The following KCNQ1 variants were observed in gnomAD, a reference collection of about 807,000 sequenced individuals.
The protein encoded by KCNQ1 is potassium voltage-gated channel subfamily Q member 1.
Under a neutral mutation model 72.4 loss-of-function variants are expected in KCNQ1, and 49 were observed. The observed-to-expected ratio is 0.68, with a 90% CI of 0.54 to 0.86. The LOEUF (loss-of-function observed/expected upper bound fraction) is 0.86. Ranked by LOEUF, KCNQ1 falls within the 40% of genes least tolerant of loss-of-function variation. The probability of loss-of-function intolerance (pLI) is 0.00; values close to 1 mark genes in which losing one functional copy is unlikely to be tolerated. For missense variants in KCNQ1, 790 were observed against 945.1 expected, an observed-to-expected ratio of 0.84 and a Z score of 2.15; for synonymous variants, 450 against 412.6, an observed-to-expected ratio of 1.09 and a Z score of -1.10.
At position 2,651,054 on chromosome 11, in the gene KCNQ1, T is replaced by G; in HGVS notation, c.1394-10907T>G. 2.5e-6 allele frequency: 1 copy of G among 398,904 alleles called. No individual in the cohort carries two copies. The highest frequency in any genetic ancestry group is 4.4e-6 in the Non-Finnish European group (1 of 226,242). The allele number at this position is 398,904 out of a possible 1,614,324, so 24.7% of individuals were successfully genotyped here. ...TTAAAACCACCACCATTTCTCTGCC[T>G]ACATTGTTGTCCATACCTCATTACT... On this transcript the variant is annotated intron_variant, in intron 10 of 15. Coordinates refer to ENST00000155840, the MANE Select transcript of KCNQ1 (RefSeq NM_000218.3). The surrounding 1 kb of genome is among the most constrained non-coding windows in gnomAD (Gnocchi z 6.1).
chr11:2,702,221 G>A lies in KCNQ1; in HGVS notation c.1514+40140G>A, dbSNP rs191338655. ...ACCAGAATAAAAGTCCCACTCATGT[G>A]GGGTTTACATTCTGGTGGGAAAGAC... On this transcript the variant is annotated intron_variant, in intron 11 of 15. Coordinates refer to ENST00000155840, the MANE Select transcript of KCNQ1 (RefSeq NM_000218.3). 1.1e-4 allele frequency among the ~76,000 whole-genome samples: 17 copies of A among 152,350 alleles called. No homozygotes were observed. The East Asian group carries it at 3.1e-3, about 28-fold the overall frequency.
At chr11:2,841,377 C>T (rs994853181) in intron 15 of KCNQ1, among the ~76,000 whole-genome samples, 2 of 152,120 alleles carry the variant, frequency 1.3e-5, no homozygotes, top group Admixed American at 1.3e-4. Flanking sequence ...CTGGCTGTTG[C>T]CTGGAACAAG....
At position 2,826,471 on chromosome 11, in the gene KCNQ1, C is replaced by T. The variant is rs766560759; in HGVS notation, c.1795-21296C>T. 2.0e-5 allele frequency among the ~76,000 whole-genome samples: 3 copies of T among 152,254 alleles called. No homozygotes were observed. Among genetic ancestry groups the T allele is most frequent in the Non-Finnish European group, 4.4e-5 (3 of 68,048 alleles). ...GGTTCCGCGCAGACAGTCACGGAAA[C>T]TCAGGCAGACCCGGCGTTGGGTGCG... On this transcript the variant is annotated intron_variant, in intron 15 of 15. Transcript: ENST00000155840. This position sits in a 1 kb window ranked among gnomAD's most constrained non-coding sequence, Gnocchi z 4.2.
chr11:2,588,611 CG>C lies in KCNQ1; in HGVS notation c.1252-97del. ...CAGGTCCCTGTCCGGGTGTATGTGG[CG>C]GGGGCTGGGCTCGGGGCGGCTGCAC... is the stretch of plus-strand genomic sequence containing the variant. On this transcript the variant is annotated intron_variant, in intron 9 of 15. Transcript: ENST00000155840. This position sits in a 1 kb window ranked among gnomAD's most constrained non-coding sequence, Gnocchi z 5.6. The C allele has an allele frequency of 7.0e-7, 1 of 1,426,334 alleles. No homozygotes were observed. The allele number at this position is 1,426,334 out of a possible 1,614,324, so 88.4% of individuals were successfully genotyped here.
At position 2,734,731 on chromosome 11, in the gene KCNQ1, G is replaced by A. The variant is rs1406905030; in HGVS notation, c.1515-34113G>A. ...GAGGTGAGAGGTAATCCTGGAAGCT[G>A]CTATGTAGACAGAAGCGAGGGCAAG... is the stretch of plus-strand genomic sequence containing the variant. On this transcript the variant is annotated intron_variant, in intron 11 of 15. Transcript: ENST00000155840. The surrounding 1 kb of genome is among the most constrained non-coding windows in gnomAD (Gnocchi z 7.0). Among the ~76,000 whole-genome samples, 2 of 152,066 alleles carry A rather than the reference G, an allele frequency of 1.3e-5. No homozygotes were observed. Among genetic ancestry groups the A allele is most frequent in the Admixed American group, 6.5e-5 (1 of 15,282 alleles).
At position 2,784,095 on chromosome 11, in the gene KCNQ1, T is replaced by G. The variant is rs1051315369; in HGVS notation, c.1794+6058T>G. Among the ~76,000 whole-genome samples, 3 of 152,046 alleles carry G rather than the reference T, an allele frequency of 2.0e-5. No individual in the cohort carries two copies. The highest frequency in any genetic ancestry group is 7.2e-5 in the African/African-American group (3 of 41,460). ...AAGCCATAAACATTTTCTCCTGTTTTGTTTTGGGTTTTTTTCCTTCTAGAA... is the reference window on the plus strand; with the variant it reads ...AAGCCATAAACATTTTCTCCTGTTTGGTTTTGGGTTTTTTTCCTTCTAGAA... On this transcript the variant is annotated intron_variant, in intron 15 of 15. Coordinates refer to ENST00000155840, the MANE Select transcript of KCNQ1 (RefSeq NM_000218.3). The surrounding 1 kb of genome is among the most constrained non-coding windows in gnomAD (Gnocchi z 4.7).
In KCNQ1 at chr11:2,627,614, C is replaced by T; in HGVS notation, c.1394-34347C>T. ...TATCCTCCAGGTTCATCTATGTTGT[C>T]ATAAATTGCATGATTTCCTGCTTTT... On this transcript the variant is annotated intron_variant, in intron 10 of 15. Transcript: ENST00000155840. This position sits in a 1 kb window ranked among gnomAD's most constrained non-coding sequence, Gnocchi z 4.9. 2.5e-6 allele frequency: 1 copy of T among 398,434 alleles called. No homozygotes were observed. Among genetic ancestry groups the T allele is most frequent in the Non-Finnish European group, 4.4e-6 (1 of 226,068 alleles). 24.7% of individuals were successfully genotyped at this position (398,434 alleles called of 1,614,324 possible). A position where few individuals can be genotyped will look rare whatever the true frequency, so the allele number is the denominator to read the frequency against.
At chr11:2,534,702 CCT>C in intron 2 of KCNQ1, among the ~76,000 whole-genome samples, 1 of 152,206 alleles carries the variant, frequency 6.6e-6, no homozygotes, top group Non-Finnish European at 1.5e-5. Context: ...CCTTTTTGTC[CCT>C]GTCACTTGGG....
At chr11:2,609,715 A>G (rs1230607635) in intron 10 of KCNQ1, 1 of 398,204 alleles carries the variant, frequency 2.5e-6, no homozygotes, top group East Asian at 3.6e-5. Context: ...TGTTAGGTGA[A>G]TATATGTTTA....
At position 2,537,441 on chromosome 11, in the gene KCNQ1, A is replaced by G. The variant is rs766571376; in HGVS notation, c.477+9423A>G. 4.6e-5 allele frequency among the ~76,000 whole-genome samples: 7 copies of G among 152,116 alleles called. No homozygotes were observed. Among genetic ancestry groups the G allele is most frequent in the Non-Finnish European group, 1.0e-4 (7 of 68,034 alleles). On this transcript the variant is annotated intron_variant, in intron 2 of 15. Transcript: ENST00000155840. This position sits in a 1 kb window ranked among gnomAD's most constrained non-coding sequence, Gnocchi z 5.2. ...TTAGTAACAATTTTATTTTTTGGGA[A>G]AATAGAAGTGGGAGAGCGTGTGCCC...
intron 2 of KCNQ1, among the ~76,000 whole-genome samples, chr11:2,540,873 G>A (rs1847811878): frequency 6.6e-6 from 1 of 152,194 alleles, no homozygotes; most frequent in Non-Finnish European, 1.5e-5. Context: ...TGAGCTGGTG[G>A]TGAGTTTTCC....
chr11:2,648,981 C>CTTTTTTCTTTTTTTTTTTTT (rs1849710956), intron 10 of KCNQ1: 5 of 213,264 alleles, frequency 2.3e-5, no homozygotes, highest in African/African-American at 4.4e-5. Flanking sequence ...TTTTCTTTTT[C>CTTTTTTCTTTTTTTTTTTTT]TTTTTTTTTT....
At chr11:2,636,396 G>A (rs1469428893) in intron 10 of KCNQ1, 3 of 151,944 alleles carry the variant, frequency 2.0e-5, no homozygotes, top group Admixed American at 6.6e-5. Flanking sequence ...TAGCATGAAG[G>A]GCTGTTGAAT....
chr11:2,617,534 A>G lies in KCNQ1; in HGVS notation c.1393+28680A>G. On this transcript the variant is annotated intron_variant, in intron 10 of 15. Coordinates refer to ENST00000155840, the MANE Select transcript of KCNQ1 (RefSeq NM_000218.3). This position sits in a 1 kb window ranked among gnomAD's most constrained non-coding sequence, Gnocchi z 4.6. ...TGCCACAATGAATATAGGAGCGCAG[A>G]TATCTTTATGAGGTGGAGATTTCAT... The G allele has an allele frequency of 2.5e-6, 1 of 398,506 alleles. No individual in the cohort carries two copies. The highest frequency in any genetic ancestry group is 4.4e-6 in the Non-Finnish European group (1 of 225,976). 24.7% of individuals were successfully genotyped at this position (398,506 alleles called of 1,614,324 possible). A position where few individuals can be genotyped will look rare whatever the true frequency, so the allele number is the denominator to read the frequency against.
intron 11 of KCNQ1, chr11:2,675,505 C>A: frequency 2.5e-6 from 1 of 398,672 alleles, no homozygotes; most frequent in East Asian, 3.6e-5. Flanking sequence ...ATAGCAGTCA[C>A]AACATGCCAT....
chr11:2,456,746 C>T (rs7110610), intron 1 of KCNQ1, among the ~76,000 whole-genome samples: 29,116 of 137,478 alleles, frequency 0.21, 3,708 homozygotes, highest in East Asian at 0.32. Context: ...ATGGTGAAAC[C>T]CTGTCTCTAC....
rs989363641 is a variant in KCNQ1 at position 2,603,730 on chromosome 11, G to A, written c.1393+14876G>A. On this transcript the variant is annotated intron_variant, in intron 10 of 15. Transcript: ENST00000155840. The surrounding 1 kb of genome is among the most constrained non-coding windows in gnomAD (Gnocchi z 4.1). ...CCCCGAGACAGAGTCTCCCTCTGTCGCCCAGGCTGGAGTGCAGTGGCGCGA... is the reference window on the plus strand; with the variant it reads ...CCCCGAGACAGAGTCTCCCTCTGTCACCCAGGCTGGAGTGCAGTGGCGCGA... Among the ~76,000 whole-genome samples the A allele has an allele frequency of 4.6e-5, 7 of 150,746 alleles. No homozygotes were observed. Among genetic ancestry groups the A allele is most frequent in the East Asian group, 2.0e-4 (1 of 5,104 alleles).
Position 2,624,224 on chromosome 11 carries a change from G to A in KCNQ1, c.1393+35370G>A, listed in dbSNP as rs960168357. The A allele has an allele frequency of 1.8e-5, 7 of 398,432 alleles. No individual in the cohort carries two copies. The highest frequency in any genetic ancestry group is 1.4e-4 in the African/African-American group (7 of 48,606). 24.7% of individuals were successfully genotyped at this position (398,432 alleles called of 1,614,324 possible). A position where few individuals can be genotyped will look rare whatever the true frequency, so the allele number is the denominator to read the frequency against. Reference sequence around the variant, plus strand: ...TTGCCATCTGTATATCTTCATTGGTGAGATGTCTGTTAAGGTCTTCAGTCC... The same window carrying A: ...TTGCCATCTGTATATCTTCATTGGTAAGATGTCTGTTAAGGTCTTCAGTCC... On this transcript the variant is annotated intron_variant, in intron 10 of 15. Coordinates refer to ENST00000155840, the MANE Select transcript of KCNQ1 (RefSeq NM_000218.3). This position sits in a 1 kb window ranked among gnomAD's most constrained non-coding sequence, Gnocchi z 4.9.
At chr11:2,666,292 G>A (rs1277168179) in intron 11 of KCNQ1, 2 of 398,590 alleles carry the variant, frequency 5.0e-6, no homozygotes, top group Non-Finnish European at 8.8e-6. Flanking sequence ...GTGGAAAGAA[G>A]GCAGAGGGAA....
Sources: gnomAD v4.1 joint callset for allele counts (sites outside exome capture counted in the v4.1 genomes callset) on GRCh38, gnomAD v4.1.1 for gene constraint, Gnocchi (gnomAD v3.1) non-coding constraint, MANE v1.5 for transcripts, NCBI Gene and HGNC (gene_info 2026-07-23, HGNC 2026-07-21) for gene names.